MEGF8: variants seen among roughly 807,000 people sequenced by gnomAD.
MEGF8 encodes the protein multiple EGF like domains 8.
A neutral mutation model predicts 302.9 loss-of-function variants in MEGF8; 156 were observed. The ratio of observed to expected loss-of-function variants is 0.52; its 90% CI spans 0.45 to 0.59. MEGF8 has a LOEUF of 0.59. Among genes scored for constraint, MEGF8 ranks in the 20% least tolerant of loss-of-function variants. MEGF8 has a pLI of 0.00. For synonymous variants in MEGF8, 1,621 were observed against 1,660.5 expected (o/e 0.98, Z 0.58); for missense variants, 3,345 against 3,964.5 (o/e 0.84, Z 4.20).
Position 42,354,009 on chromosome 19 carries a change from C to T in MEGF8, c.3996C>T (p.Ser1332=). The change falls in exon 22 of 42, where the codon AGC becomes AGT. Residue 1332 remains serine, a synonymous_variant. Transcript: ENST00000251268. The surrounding 1 kb of genome is among the most constrained non-coding windows in gnomAD (Gnocchi z 4.3). Reference sequence around the variant, plus strand: ...TCACCCTCACCTTCTCCCCCGACAGCAGCACCCCCTGCACGGTGAGCACTG... The same window carrying T: ...TCACCCTCACCTTCTCCCCCGACAGTAGCACCCCCTGCACGGTGAGCACTG... ...PPLTLTFSPD[S]STPCTLSYVL... The T allele has an allele frequency of 1.9e-6, 3 of 1,587,460 alleles. No individual in the cohort carries two copies. In the Middle Eastern group the frequency reaches 5.0e-4, roughly 264 times the overall value.
intron 8 of MEGF8, among the ~76,000 whole-genome samples, chr19:42,341,290 G>A (rs772477264): frequency 1.6e-4 from 24 of 151,980 alleles, no homozygotes; most frequent in Non-Finnish European, 2.2e-4. Context: ...ATTAGCTGGC[G>A]TGGTGGTAGA....
Position 42,357,810 on chromosome 19 carries a change from C to G in MEGF8, c.5011+226C>G, listed in dbSNP as rs961030579. ...CCCGGCCACATGTGGCCACCGTCCCCTGCCCCCAGGGTCTGAGCTCCCTGC... is the reference window on the plus strand; with the variant it reads ...CCCGGCCACATGTGGCCACCGTCCCGTGCCCCCAGGGTCTGAGCTCCCTGC... On this transcript the variant is annotated intron_variant, in intron 28 of 41. Transcript: ENST00000251268. This position sits in a 1 kb window ranked among gnomAD's most constrained non-coding sequence, Gnocchi z 5.2. 2.6e-5 allele frequency among the ~76,000 whole-genome samples: 4 copies of G among 152,208 alleles called. No individual in the cohort carries two copies. Among genetic ancestry groups the G allele is most frequent in the African/African-American group, 9.7e-5 (4 of 41,444 alleles).
intron 34 of MEGF8, 28 bp downstream of exon 34, chr19:42,362,625 G>T: frequency 6.2e-7 from 1 of 1,604,648 alleles, no homozygotes. Flanking sequence ...TTCCTGAGAG[G>T]GGAGTCTTGG....
chr19:42,329,763 C>T (rs7258727), intron 1 of MEGF8, among the ~76,000 whole-genome samples: 2,322 of 151,710 alleles, frequency 0.015, 60 homozygotes, highest in African/African-American at 0.052. Context: ...CTCCAGCTAC[C>T]GGCGAGGCTG....
intron 31 of MEGF8, 101 bp from the exon 32 acceptor site, chr19:42,360,674 T>C: frequency 1.3e-6 from 2 of 1,518,166 alleles, no homozygotes; most frequent in East Asian, 4.9e-5. Flanking sequence ...ACCCTGTGTT[T>C]CTCCTCTTTC....
At position 42,336,950 on chromosome 19, in the gene MEGF8, A is replaced by T; in HGVS notation, c.1388A>T (p.Tyr463Phe). The part of the protein sequence containing the change: ...ASVLGNYMVV[Y>F]GGNVHTHYQE... ...GTTCTGGGCAATTACATGGTGGTCT[A>T]TGGTGAGGAGGCTCCCCAATCCTGC... Residue 463 changes from tyrosine to phenylalanine, a missense_variant and splice_region_variant, in exon 7 of 42, where the codon TAT becomes TTT. Transcript: ENST00000251268. The surrounding 1 kb of genome is among the most constrained non-coding windows in gnomAD (Gnocchi z 4.8). The T allele has an allele frequency of 6.2e-7, 1 of 1,613,864 alleles. No homozygotes were observed. Among genetic ancestry groups the T allele is most frequent in the Middle Eastern group, 1.7e-4 (1 of 6,058 alleles).
chr19:42,351,865 T>C lies in MEGF8; in HGVS notation c.3101+104T>C. The C allele has an allele frequency of 1.1e-6, 1 of 944,078 alleles. No homozygotes were observed. The highest frequency in any genetic ancestry group is 1.6e-6 in the Non-Finnish European group (1 of 612,830). The allele number at this position is 944,078 out of a possible 1,614,324, so 58.5% of individuals were successfully genotyped here. On this transcript the variant is annotated intron_variant, in intron 18 of 41. Coordinates refer to ENST00000251268, the MANE Select transcript of MEGF8 (RefSeq NM_001271938.2). The surrounding 1 kb of genome is among the most constrained non-coding windows in gnomAD (Gnocchi z 5.6). ...CTTCTCTGCCCTCTTGCCCATCCCA[T>C]GGCCACCTTCCCTTTTCCGTACTGT...
chr19:42,362,317 C>T (rs2039543511), intron 33 of MEGF8, 67 bp from the exon 34 acceptor site: 1 of 1,610,696 alleles, frequency 6.2e-7, no homozygotes, highest in Non-Finnish European at 8.5e-7. Context: ...GTCTCAGGAA[C>T]CACCGAGTTC....
In MEGF8 at chr19:42,368,741, C is replaced by G; in HGVS notation, c.6481+79C>G. 2 of 1,549,884 alleles carry G rather than the reference C, an allele frequency of 1.3e-6. No homozygotes were observed. Among genetic ancestry groups the G allele is most frequent in the Non-Finnish European group, 8.7e-7 (1 of 1,148,746 alleles). ...ATACAGTGAACATAGGGATACTGGG[C>G]CAGACCCAGAGGTGGGGCTCAGAGG... is the stretch of plus-strand genomic sequence containing the variant. On this transcript the variant is annotated intron_variant, in intron 36 of 41. Coordinates refer to ENST00000251268, the MANE Select transcript of MEGF8 (RefSeq NM_001271938.2). This position sits in a 1 kb window ranked among gnomAD's most constrained non-coding sequence, Gnocchi z 4.9.
rs1319992918 is a variant in MEGF8, at chr19:42,355,871, G to T, written c.4258G>T (p.Glu1420Ter). 6.4e-7 allele frequency: 1 copy of T among 1,573,430 alleles called. No individual in the cohort carries two copies. The change falls in exon 24 of 42, where the codon GAA (glutamate) becomes TAA (stop). Residue 1420 changes from glutamate (E) to a stop codon, truncating the protein, a stop_gained. Coordinates refer to ENST00000251268, the MANE Select transcript of MEGF8 (RefSeq NM_001271938.2). LOFTEE classifies it high-confidence loss of function. ...GGPGSCPVPQECVPQDGAAGA... is the reference protein window; with the variant it reads ...GGPGSCPVPQ ...CCCCGGGAGCTGTCCCGTCCCCCAG[G>T]AATGCGTGCCCCAGGACGGTGCTGC... is the stretch of plus-strand genomic sequence containing the variant.
At chr19:42,367,914 G>T (rs1472699936) in intron 35 of MEGF8, among the ~76,000 whole-genome samples, 1 of 151,948 alleles carries the variant, frequency 6.6e-6, no homozygotes, top group African/African-American at 2.4e-5. Flanking sequence ...AAGTCTACGC[G>T]ATCTTCCAGT....
At chr19:42,339,100 C>T (rs1364054302) in intron 8 of MEGF8, among the ~76,000 whole-genome samples, 3 of 152,148 alleles carry the variant, frequency 2.0e-5, no homozygotes, top group Non-Finnish European at 4.4e-5. Flanking sequence ...TCCCAAATTG[C>T]TGGGATTACA....
At chr19:42,355,253 G>T (rs1338173409) in intron 23 of MEGF8, among the ~76,000 whole-genome samples, 1 of 149,996 alleles carries the variant, frequency 6.7e-6, no homozygotes, top group African/African-American at 2.5e-5. Flanking sequence ...TGCTGCGCCC[G>T]GCATATATAT....
chr19:42,325,876 C>G lies in MEGF8; in HGVS notation c.-368C>G, dbSNP rs990486916. On this transcript the variant is annotated 5_prime_UTR_variant, in exon 1 of 42. Coordinates refer to ENST00000251268, the MANE Select transcript of MEGF8 (RefSeq NM_001271938.2). ...GCCCTTCGCCCCCTGGGGACCCACCCGTCTATAAGGTCCGTTTGGCCTGCA... is the reference window on the plus strand; with the variant it reads ...GCCCTTCGCCCCCTGGGGACCCACCGGTCTATAAGGTCCGTTTGGCCTGCA... 1.0e-5 allele frequency: 2 copies of G among 200,392 alleles called. No homozygotes were observed. Among genetic ancestry groups the G allele is most frequent in the Admixed American group, 1.2e-4 (2 of 16,564 alleles). The allele number at this position is 200,392 out of a possible 1,614,324, so 12.4% of individuals were successfully genotyped here. A position where few individuals can be genotyped will look rare whatever the true frequency, so the allele number is the denominator to read the frequency against.
chr19:42,347,252 G>T (rs886153013), intron 12 of MEGF8, among the ~76,000 whole-genome samples: 2 of 150,772 alleles, frequency 1.3e-5, no homozygotes, highest in Admixed American at 1.3e-4. Flanking sequence ...AACATTATAC[G>T]ACTGCTTCCT....
At chr19:42,326,491 A>G (rs2038985620) in intron 1 of MEGF8, 61 bp downstream of exon 1, 2 of 1,470,710 alleles carry the variant, frequency 1.4e-6, no homozygotes, top group Admixed American at 3.2e-5. Flanking sequence ...GTGTGCATTC[A>G]TCCACTCACC....
chr19:42,357,268 G>T lies in MEGF8; in HGVS notation c.4831-136G>T. 1 of 1,098,442 alleles carries T rather than the reference G, an allele frequency of 9.1e-7. No homozygotes were observed. The highest frequency in any genetic ancestry group is 1.3e-6 in the Non-Finnish European group (1 of 772,664). The allele number at this position is 1,098,442 out of a possible 1,614,324, so 68.0% of individuals were successfully genotyped here. On this transcript the variant is annotated intron_variant, in intron 27 of 41. Transcript: ENST00000251268. The surrounding 1 kb of genome is among the most constrained non-coding windows in gnomAD (Gnocchi z 5.2). ...CTGTGCCTCTGCCAGGACCCAGGCT[G>T]GTCCGACTGGCCCTGGGGGGGTCAT...
At position 42,357,661 on chromosome 19, in the gene MEGF8, C is replaced by G. The variant is rs980647204; in HGVS notation, c.5011+77C>G. 1 of 1,321,612 alleles carries G rather than the reference C, an allele frequency of 7.6e-7. No individual in the cohort carries two copies. The highest frequency in any genetic ancestry group is 1.0e-6 in the Non-Finnish European group (1 of 968,274). 81.9% of individuals were successfully genotyped at this position (1,321,612 alleles called of 1,614,324 possible). On this transcript the variant is annotated intron_variant, in intron 28 of 41. Coordinates refer to ENST00000251268, the MANE Select transcript of MEGF8 (RefSeq NM_001271938.2). This position sits in a 1 kb window ranked among gnomAD's most constrained non-coding sequence, Gnocchi z 5.2. ...GGGCTTCCTGTGGGCTCTCCATCCA[C>G]TGCTGTGCTCTGTGGCCACCTGTCT...
Position 42,351,900 on chromosome 19 carries a change from G to A in MEGF8, c.3101+139G>A, listed in dbSNP as rs140094947. 5.4e-4 allele frequency: 425 copies of A among 782,980 alleles called. 2 individuals carry two copies. Among genetic ancestry groups the A allele is most frequent in the African/African-American group, 5.3e-3 (305 of 57,102 alleles). The allele number at this position is 782,980 out of a possible 1,614,324, so 48.5% of individuals were successfully genotyped here. ...CCCTTTTCCGTACTGTTTTTCTGTTGTTTATTTTACCCTCCCGCTCTTTTT... is the reference window on the plus strand; with the variant it reads ...CCCTTTTCCGTACTGTTTTTCTGTTATTTATTTTACCCTCCCGCTCTTTTT... On this transcript the variant is annotated intron_variant, in intron 18 of 41. Coordinates refer to ENST00000251268, the MANE Select transcript of MEGF8 (RefSeq NM_001271938.2). This position sits in a 1 kb window ranked among gnomAD's most constrained non-coding sequence, Gnocchi z 5.6.
Sources: gnomAD v4.1 joint callset for allele counts (sites outside exome capture counted in the v4.1 genomes callset) on GRCh38, gnomAD v4.1.1 for gene constraint, Gnocchi (gnomAD v3.1) non-coding constraint, MANE v1.5 for transcripts, NCBI Gene and HGNC (gene_info 2026-07-23, HGNC 2026-07-21) for gene names.